THSD4: variants seen among roughly 807,000 people sequenced by gnomAD.
THSD4 encodes thrombospondin type 1 domain containing 4.
THSD4 carries 69 observed loss-of-function variants against 119.0 expected under a neutral mutation model. That is an observed-to-expected ratio of 0.58 (90% CI 0.48 to 0.71). THSD4 has a LOEUF of 0.71. THSD4 is among the 30% of genes least tolerant of loss of function. The probability of loss-of-function intolerance (pLI) is 0.00; values close to 1 mark genes in which losing one functional copy is unlikely to be tolerated. For missense variants in THSD4, 1,393 were observed against 1,391.1 expected (o/e 1.00, Z -0.02); for synonymous variants, 524 against 540.4 (o/e 0.97, Z 0.42).
At chr15:71,310,726 T>C (rs1392569184) in intron 6 of THSD4, among the ~76,000 whole-genome samples, 3 of 152,114 alleles carry the variant, frequency 2.0e-5, no homozygotes, top group African/African-American at 7.2e-5. Context: ...ATTGGGAAAG[T>C]TAGAAATATA....
chr15:71,279,561 T>G (rs1396998374), intron 6 of THSD4, among the ~76,000 whole-genome samples: 1 of 152,218 alleles, frequency 6.6e-6, no homozygotes, highest in Admixed American at 6.5e-5. Context: ...CATATGTTCT[T>G]GTGGCATCTC....
At chr15:71,638,717 T>C (rs1264863239) in intron 7 of THSD4, among the ~76,000 whole-genome samples, 1 of 152,226 alleles carries the variant, frequency 6.6e-6, no homozygotes, top group Non-Finnish European at 1.5e-5. Context: ...GTTTAGTCTT[T>C]GTCATGAAAT....
chr15:71,757,205 C>T (rs2053554297), intron 14 of THSD4, among the ~76,000 whole-genome samples: 1 of 152,088 alleles, frequency 6.6e-6, no homozygotes, highest in South Asian at 2.1e-4. Flanking sequence ...ACTGATGTAC[C>T]TGGTTCCAAA....
At chr15:71,760,432 A>G (rs2053610637) in intron 15 of THSD4, among the ~76,000 whole-genome samples, 1 of 152,132 alleles carries the variant, frequency 6.6e-6, no homozygotes, top group East Asian at 1.9e-4. Flanking sequence ...GCTGCTTCCC[A>G]GATCCCTGGA....
At chr15:71,546,543 G>T (rs543053953) in intron 7 of THSD4, among the ~76,000 whole-genome samples, 1 of 152,180 alleles carries the variant, frequency 6.6e-6, no homozygotes, top group African/African-American at 2.4e-5. Context: ...CTGCATTTCA[G>T]TGTACTCTGA....
intron 6 of THSD4, among the ~76,000 whole-genome samples, chr15:71,371,530 G>T (rs573480698): frequency 6.6e-6 from 1 of 152,016 alleles, no homozygotes; most frequent in Non-Finnish European, 1.5e-5. Context: ...TTTCTCCTTG[G>T]CTTATGAAGC....
Position 71,745,139 on chromosome 15 carries a change from G to A in THSD4, c.1940G>A (p.Arg647Lys). 6.2e-7 allele frequency: 1 copy of A among 1,612,428 alleles called. No individual in the cohort carries two copies. Among genetic ancestry groups the A allele is most frequent in the Non-Finnish European group, 8.5e-7 (1 of 1,179,980 alleles). Residue 647 changes from arginine (R) to lysine (K), a missense_variant, in exon 12 of 18, where the codon AGA becomes AAA. By Grantham distance (26) the Arg-to-Lys change is conservative. Transcript: ENST00000261862. ...TACCCTATTTTCCGCTGTGTGCACA[G>A]AAGCACTCATGAAGAGGCTCCTGAG... ...SQYPIFRCVH[R>K]STHEEAPESY...
chr15:71,760,024 T>A (rs926933192), intron 15 of THSD4, among the ~76,000 whole-genome samples: 4 of 152,182 alleles, frequency 2.6e-5, no homozygotes, highest in Non-Finnish European at 5.9e-5. Flanking sequence ...AATAAGAGCA[T>A]GCTTATTTCT....
intron 7 of THSD4, among the ~76,000 whole-genome samples, chr15:71,607,419 G>A (rs1037871091): frequency 1.3e-5 from 2 of 152,220 alleles, no homozygotes; most frequent in African/African-American, 2.4e-5. Flanking sequence ...CTCCTTTGAC[G>A]AACTGCCAAG....
chr15:71,627,082 C>CTTT (rs36125208), intron 7 of THSD4, among the ~76,000 whole-genome samples: 5 of 151,298 alleles, frequency 3.3e-5, no homozygotes, highest in South Asian at 2.1e-4. Flanking sequence ...TTTTGACACT[C>CTTT]TTTTTTTTTA....
intron 7 of THSD4, among the ~76,000 whole-genome samples, chr15:71,442,690 A>ATATATATATG (rs2047125915): frequency 8.7e-6 from 1 of 115,284 alleles, no homozygotes; most frequent in African/African-American, 3.1e-5. Context: ...ATATATATAT[A>ATATATATATG]TATATATATA....
chr15:71,638,057 C>A (rs1420638877), intron 7 of THSD4, among the ~76,000 whole-genome samples: 1 of 152,110 alleles, frequency 6.6e-6, no homozygotes, highest in African/African-American at 2.4e-5. Flanking sequence ...CTGAACTATA[C>A]CTTAAAAGGG....
chr15:71,257,987 G>C (rs904079445), intron 6 of THSD4, among the ~76,000 whole-genome samples: 4 of 152,092 alleles, frequency 2.6e-5, no homozygotes, highest in African/African-American at 9.7e-5. Flanking sequence ...TGATTCTGTG[G>C]ATAGAGCTTG....
intron 7 of THSD4, among the ~76,000 whole-genome samples, chr15:71,569,389 C>G (rs1172506211): frequency 2.6e-5 from 4 of 152,152 alleles, no homozygotes; most frequent in Non-Finnish European, 2.9e-5. Context: ...TTGTTTGTTT[C>G]TTTATTTGGC....
intron 7 of THSD4, among the ~76,000 whole-genome samples, chr15:71,499,526 C>T (rs2048079621): frequency 6.7e-6 from 1 of 149,768 alleles, no homozygotes; most frequent in Non-Finnish European, 1.5e-5. Flanking sequence ...TAAAATTGAC[C>T]ATCTTAACAA....
intron 3 of THSD4, chr15:71,164,776 A>G (rs760943118): frequency 2.5e-6 from 4 of 1,584,382 alleles, no homozygotes; most frequent in Non-Finnish European, 3.4e-6. Context: ...CAACTTATTC[A>G]TCATCATCAT....
In THSD4 at chr15:71,215,204, G is replaced by A. The variant is rs999302233; in HGVS notation, c.269G>A (p.Gly90Asp). ...CCCCGCTCCTACCGCCTGCGCGGCG[G>A]CCAGCGGCCTGGCGCCCCTGCGCGC... ...CLPRSYRLRG[G>D]QRPGAPARAF... The change falls in exon 4 of 18, where the codon GGC becomes GAC. Residue 90 changes from glycine (G) to aspartate (D), a missense_variant. Physicochemically the swap from Gly to Asp is moderately conservative, Grantham distance 94. Coordinates refer to ENST00000261862, the MANE Select transcript of THSD4 (RefSeq NM_024817.3). The A allele has an allele frequency of 4.2e-5, 57 of 1,360,110 alleles. No homozygotes were observed. The highest frequency in any genetic ancestry group is 5.3e-5 in the Non-Finnish European group (56 of 1,061,326). 84.3% of individuals were successfully genotyped at this position (1,360,110 alleles called of 1,614,324 possible). A position where few individuals can be genotyped will look rare whatever the true frequency, so the allele number is the denominator to read the frequency against.
At chr15:71,114,347 C>T (rs2040333707), upstream of THSD4, among the ~76,000 whole-genome samples, 1 of 152,164 alleles carries the variant, frequency 6.6e-6, no homozygotes, top group South Asian at 2.1e-4. Flanking sequence ...CCACCTCCTT[C>T]ATTGTCCTCT....
intron 7 of THSD4, among the ~76,000 whole-genome samples, chr15:71,511,905 T>G (rs1218043944): frequency 6.6e-6 from 1 of 152,178 alleles, no homozygotes; most frequent in Non-Finnish European, 1.5e-5. Flanking sequence ...ATTCAGTTAG[T>G]GTTTATAAAG....
Sources: allele counts gnomAD v4.1 joint callset (sites outside exome capture counted in the v4.1 genomes callset), GRCh38; gene constraint gnomAD v4.1.1; transcripts MANE v1.5; gene names NCBI Gene and HGNC (gene_info 2026-07-23, HGNC 2026-07-21).